NLK: variants seen among roughly 807,000 people sequenced by gnomAD.
NLK encodes nemo like kinase.
In NLK, 11 loss-of-function variants were observed where a neutral mutation model predicts 59.0. The observed-to-expected ratio is 0.19, with a 90% confidence interval of 0.12 to 0.31. The LOEUF is 0.31. Among genes scored for constraint, NLK ranks in the 10% least tolerant of loss-of-function variants. The probability of loss-of-function intolerance (pLI) is 1.00; values close to 1 mark genes in which losing one functional copy is unlikely to be tolerated. For missense variants in NLK, 410 were observed against 661.1 expected (o/e 0.62, Z 4.16); for synonymous variants, 235 against 235.9 (o/e 1.00, Z 0.03).
chr17:28,059,348 A>G (rs1223012011), intron 1 of NLK, among the ~76,000 whole-genome samples: 1 of 152,008 alleles, frequency 6.6e-6, no homozygotes, highest in African/African-American at 2.4e-5. Context: ...GTATATGGTA[A>G]CCAACTATGT....
intron 1 of NLK, among the ~76,000 whole-genome samples, chr17:28,102,284 T>C (rs1475115901): frequency 6.6e-6 from 1 of 152,194 alleles, no homozygotes. Context: ...TAACTAATCT[T>C]TTTAAGTGAT....
intron 9 of NLK, among the ~76,000 whole-genome samples, chr17:28,191,706 C>T (rs1379185535): frequency 6.6e-6 from 1 of 152,154 alleles, no homozygotes; most frequent in African/African-American, 2.4e-5. Flanking sequence ...TACTGTAGGA[C>T]ATTTTACAAG....
chr17:28,067,219 T>C (rs1305295426), intron 1 of NLK, among the ~76,000 whole-genome samples: 1 of 152,208 alleles, frequency 6.6e-6, no homozygotes, highest in Non-Finnish European at 1.5e-5. Context: ...AGTTGTATAG[T>C]TTAATGGTTT....
intron 1 of NLK, among the ~76,000 whole-genome samples, chr17:28,116,052 T>C (rs965271391): frequency 1.3e-5 from 2 of 152,204 alleles, no homozygotes; most frequent in Admixed American, 6.5e-5. Flanking sequence ...TCATGTCATT[T>C]CACCTATTTA....
chr17:28,200,802 AT>A (rs999060239), downstream of NLK, among the ~76,000 whole-genome samples: 32 of 149,776 alleles, frequency 2.1e-4, no homozygotes, highest in East Asian at 5.9e-4. Flanking sequence ...CTTAAAAAAA[AT>A]TTTTTTTTTT....
rs1906511066 is a variant in NLK at position 28,131,439 on chromosome 17, T to C, written c.589-1181T>C. Among the ~76,000 whole-genome samples, 5 of 151,942 alleles carry C rather than the reference T, an allele frequency of 3.3e-5. No individual in the cohort carries two copies. In the South Asian group the frequency reaches 1.0e-3, roughly 32 times the overall value. ...CTGATTATGGCTGAAATAAGTTTGA[T>C]ATATGCTTGAGAATTATATAGGGAG... On this transcript the variant is annotated intron_variant, in intron 2 of 10. Transcript: ENST00000407008.
intron 7 of NLK, among the ~76,000 whole-genome samples, chr17:28,183,781 T>A (rs1909008065): frequency 6.6e-6 from 1 of 152,198 alleles, no homozygotes; most frequent in African/African-American, 2.4e-5. Context: ...TTGTTTTTTT[T>A]TAAGTGGTAT....
At position 28,076,832 on chromosome 17, in the gene NLK, A is replaced by T. The variant is rs552476132; in HGVS notation, c.458+33501A>T. ...CATCTGTCCTAATCTAACCAAATTA[A>T]GTGCAATGTAGTAATTGGACTTTTG... is the stretch of plus-strand genomic sequence containing the variant. On this transcript the variant is annotated intron_variant, in intron 1 of 10. Coordinates refer to ENST00000407008, the MANE Select transcript of NLK (RefSeq NM_016231.5). 8.5e-5 allele frequency among the ~76,000 whole-genome samples: 13 copies of T among 152,308 alleles called. No individual in the cohort carries two copies. In the South Asian group the frequency reaches 1.4e-3, roughly 17 times the overall value.
chr17:28,070,716 A>G lies in NLK; in HGVS notation c.458+27385A>G, dbSNP rs184194971. On this transcript the variant is annotated intron_variant, in intron 1 of 10. Coordinates refer to ENST00000407008, the MANE Select transcript of NLK (RefSeq NM_016231.5). ...GGCATTTTTGTTGTTTTGTTTTTTAAAATACTAATTTTAAAGTAAAATATT... is the reference window on the plus strand; with the variant it reads ...GGCATTTTTGTTGTTTTGTTTTTTAGAATACTAATTTTAAAGTAAAATATT... Among the ~76,000 whole-genome samples the G allele has an allele frequency of 3.9e-5, 6 of 152,136 alleles. No homozygotes were observed. The East Asian group carries it at 1.2e-3, about 29-fold the overall frequency.
At chr17:28,067,161 A>G (rs1909855196) in intron 1 of NLK, among the ~76,000 whole-genome samples, 1 of 151,452 alleles carries the variant, frequency 6.6e-6, no homozygotes, top group African/African-American at 2.4e-5. Context: ...AAATCTAGAA[A>G]CTCTTTGCCT....
intron 3 of NLK, among the ~76,000 whole-genome samples, chr17:28,136,050 A>C (rs1442530322): frequency 1.3e-5 from 2 of 152,188 alleles, no homozygotes; most frequent in Non-Finnish European, 2.9e-5. Flanking sequence ...CATCAGTTAG[A>C]ATGTTTCTTT....
At chr17:28,138,942 T>C (rs1190459587) in intron 3 of NLK, among the ~76,000 whole-genome samples, 1 of 152,056 alleles carries the variant, frequency 6.6e-6, no homozygotes, top group East Asian at 1.9e-4. Context: ...GACAATAGTA[T>C]AGGTTGGAAA....
chr17:28,057,064 C>T (rs1379356264), intron 1 of NLK, among the ~76,000 whole-genome samples: 1 of 150,530 alleles, frequency 6.6e-6, no homozygotes, highest in Non-Finnish European at 1.5e-5. Flanking sequence ...AAGCGATTCT[C>T]CTGCCTCAGC....
At chr17:28,136,540 A>G (rs1388078985) in intron 3 of NLK, among the ~76,000 whole-genome samples, 2 of 152,180 alleles carry the variant, frequency 1.3e-5, no homozygotes, top group Non-Finnish European at 2.9e-5. Flanking sequence ...CCTTAGTTAC[A>G]TATATGTTCT....
chr17:28,148,771 A>AT (rs148943988), intron 3 of NLK, among the ~76,000 whole-genome samples: 2,588 of 152,288 alleles, frequency 0.017, 83 homozygotes, highest in African/African-American at 0.059. Flanking sequence ...ATTATTTCTT[A>AT]TTTTGGTTGT....
rs1909434708 is a variant in NLK at position 28,194,992 on chromosome 17, C to G, written c.*356C>G. On this transcript the variant is annotated 3_prime_UTR_variant, in exon 11 of 11. Transcript: ENST00000407008. Reference sequence around the variant, plus strand: ...AATGAAGTGAGATTGTTCACACACACACACACACACACACACACACACAAA... The same window carrying G: ...AATGAAGTGAGATTGTTCACACACAGACACACACACACACACACACACAAA... The G allele has an allele frequency of 6.1e-6, 1 of 165,174 alleles. No individual in the cohort carries two copies. Among genetic ancestry groups the G allele is most frequent in the Non-Finnish European group, 1.3e-5 (1 of 76,602 alleles). The allele number at this position is 165,174 out of a possible 1,614,324, so 10.2% of individuals were successfully genotyped here.
chr17:28,098,029 A>G (rs1361848594), intron 1 of NLK, among the ~76,000 whole-genome samples: 1 of 152,192 alleles, frequency 6.6e-6, no homozygotes, highest in Non-Finnish European at 1.5e-5. Context: ...CTGGTTATTA[A>G]TAGATTAATC....
chr17:28,079,851 G>A (rs571503122), intron 1 of NLK, among the ~76,000 whole-genome samples: 3 of 152,074 alleles, frequency 2.0e-5, no homozygotes, highest in Non-Finnish European at 4.4e-5. Context: ...TGCTTTTGTT[G>A]TCTGTGCTTT....
At chr17:28,054,998 A>G (rs1909388506) in intron 1 of NLK, among the ~76,000 whole-genome samples, 1 of 152,052 alleles carries the variant, frequency 6.6e-6, no homozygotes, top group Non-Finnish European at 1.5e-5. Context: ...CTGTGGGTAA[A>G]TTATTTTATC....
Sources: gnomAD v4.1 joint callset for allele counts (sites outside exome capture counted in the v4.1 genomes callset) on GRCh38, gnomAD v4.1.1 for gene constraint, MANE v1.5 for transcripts, NCBI Gene and HGNC (gene_info 2026-07-23, HGNC 2026-07-21) for gene names.